The following TNFSF14 variants were observed in gnomAD, a reference collection of about 807,000 sequenced individuals.
TNFSF14 encodes the protein TNF superfamily member 14, also known as tumor necrosis factor ligand superfamily member 14.
In TNFSF14, 15 loss-of-function variants were observed where a neutral mutation model predicts 22.7. The observed-to-expected ratio is 0.66, with a 90% CI of 0.44 to 1.02. The LOEUF is 1.02. Ranked by LOEUF, TNFSF14 falls within the 50% of genes least tolerant of loss-of-function variation. TNFSF14 has a pLI of 0.00. For missense variants in TNFSF14, 287 were observed against 326.2 expected (o/e 0.88, Z 0.93); for synonymous variants, 133 against 139.6 (o/e 0.95, Z 0.33).
chr19:6,666,866 C>G (rs1248655336), intron 3 of TNFSF14, among the ~76,000 whole-genome samples: 7 of 151,818 alleles, frequency 4.6e-5, no homozygotes, highest in South Asian at 2.1e-4. Flanking sequence ...CCACTGCACC[C>G]CAGCCTGGGC....
rs746091221 is a variant in TNFSF14 at position 6,665,144 on chromosome 19, G to C, written c.505C>G (p.Arg169Gly). The C allele has an allele frequency of 4.3e-6, 7 of 1,614,050 alleles. No homozygotes were observed. Among genetic ancestry groups the C allele is most frequent in the Non-Finnish European group, 5.9e-6 (7 of 1,179,976 alleles). Residue 169 changes from arginine to glycine, a missense_variant, in exon 4 of 4, where the codon CGC (arginine) becomes GGC (glycine). Arg to Gly is a moderately radical substitution (Grantham distance 125). Transcript: ENST00000675206. ...ASTITHGLYK[R>G]TPRYPEELEL... ...AGCTCCTCGGGGTAGCGGGGTGTGC[G>C]CTTGTAGAGGCCGTGGGTGATGGTG...
intron 3 of TNFSF14, 109 bp downstream of exon 3, chr19:6,667,004 G>A: frequency 8.3e-7 from 1 of 1,209,846 alleles, no homozygotes; most frequent in Non-Finnish European, 1.2e-6. Flanking sequence ...GCAACTCTGT[G>A]AGTAAATAAG....
At chr19:6,666,878 A>G (rs986568577) in intron 3 of TNFSF14, among the ~76,000 whole-genome samples, 9 of 151,806 alleles carry the variant, frequency 5.9e-5, no homozygotes, top group Non-Finnish European at 1.3e-4. Flanking sequence ...AGCCTGGGCA[A>G]CAGAGTGAGA....
rs376281109 is a variant in TNFSF14 at position 6,670,152 on chromosome 19, G to T, written c.-83C>A. 14 of 1,551,732 alleles carry T rather than the reference G, an allele frequency of 9.0e-6. No individual in the cohort carries two copies. Among genetic ancestry groups the T allele is most frequent in the African/African-American group, 5.4e-5 (4 of 73,838 alleles). On this transcript the variant is annotated 5_prime_UTR_variant, in exon 1 of 4. Coordinates refer to ENST00000675206, the MANE Select transcript of TNFSF14 (RefSeq NM_001376887.1). ...CGAAATTGCTCAACACTCCTGGGCT[G>T]TGCACGCTGCGGACAGGCACCCGTG...
chr19:6,668,145 T>C (rs1917483157), intron 1 of TNFSF14, among the ~76,000 whole-genome samples: 1 of 151,844 alleles, frequency 6.6e-6, no homozygotes, highest in Non-Finnish European at 1.5e-5. Context: ...GAGGACAGCT[T>C]GAGGCCAGGA....
In TNFSF14 at chr19:6,664,616, GCAAC is replaced by G; in HGVS notation, c.*306_*309del. 2.7e-5 allele frequency: 6 copies of G among 225,982 alleles called. No individual in the cohort carries two copies. Among genetic ancestry groups the G allele is most frequent in the Admixed American group, 5.2e-5 (1 of 19,408 alleles). 14.0% of individuals were successfully genotyped at this position (225,982 alleles called of 1,614,324 possible). A position where few individuals can be genotyped will look rare whatever the true frequency, so the allele number is the denominator to read the frequency against. On this transcript the variant is annotated 3_prime_UTR_variant, in exon 4 of 4. Transcript: ENST00000675206. The surrounding 1 kb of genome is among the most constrained non-coding windows in gnomAD (Gnocchi z 4.7). ...TGCAGTGGTGTGATCTCGGCTCACT[GCAAC>G]CTCCGCCTCCCGGGTTTAAGCAAAA... is the stretch of plus-strand genomic sequence containing the variant.
chr19:6,669,965 C>A lies in TNFSF14; in HGVS notation c.105G>T (p.Val35=), dbSNP rs779814436. Residue 35 remains valine (V), a synonymous_variant, in exon 1 of 4, where the codon GTG becomes GTT. Coordinates refer to ENST00000675206, the MANE Select transcript of TNFSF14 (RefSeq NM_001376887.1). ...GCAAGAGACCCAGACCCACCCGGGC[C>A]ACACTGCACGACTGTCTCCGGTGGC... The part of the protein sequence containing the change: ...GRSHRRQSCS[V]ARVGLGLLLL... 2.5e-6 allele frequency: 4 copies of A among 1,614,016 alleles called. No homozygotes were observed. Among genetic ancestry groups the A allele is most frequent in the Non-Finnish European group, 3.4e-6 (4 of 1,180,040 alleles).
At chr19:6,667,553 C>A in intron 1 of TNFSF14, 104 bp from the exon 2 acceptor site, 1 of 1,262,688 alleles carries the variant, frequency 7.9e-7, no homozygotes, top group South Asian at 1.5e-5. Context: ...CCACCGACAC[C>A]ACCCTCAGAC....
At chr19:6,670,381 C>A, upstream of TNFSF14, 1 of 794,222 alleles carries the variant, frequency 1.3e-6, no homozygotes, top group Non-Finnish European at 1.7e-6. Flanking sequence ...GCTTCATTCG[C>A]TTGGGGCCAC....
At chr19:6,665,815 G>GTGTA (rs1047340156) in intron 3 of TNFSF14, among the ~76,000 whole-genome samples, 1 of 151,112 alleles carries the variant, frequency 6.6e-6, no homozygotes, top group Non-Finnish European at 1.5e-5. Context: ...GTGTGTGTGT[G>GTGTA]TGTGTTTGTA....
intron 1 of TNFSF14, among the ~76,000 whole-genome samples, chr19:6,668,823 T>C (rs1278588265): frequency 6.6e-6 from 1 of 152,118 alleles, no homozygotes; most frequent in Non-Finnish European, 1.5e-5. Flanking sequence ...AGAAGACACA[T>C]GTGGGCTCAG....
chr19:6,667,122 G>T lies in TNFSF14; in HGVS notation c.289C>A (p.His97Asn). ...RRSHEVNPAAHLTGANSSLTG... is the reference protein window; with the variant it reads ...RRSHEVNPAANLTGANSSLTG... ...CCAGGGTCCCTCTCACCTGTGAGATGCGCTGCTGGGTTGACCTCGTGAGAC... is the reference window on the plus strand; with the variant it reads ...CCAGGGTCCCTCTCACCTGTGAGATTCGCTGCTGGGTTGACCTCGTGAGAC... The change falls in exon 3 of 4, where the codon CAT (histidine) becomes AAT (asparagine). Residue 97 changes from histidine (H) to asparagine (N), a missense_variant. Transcript: ENST00000675206. The T allele has an allele frequency of 6.2e-7, 1 of 1,605,912 alleles. No individual in the cohort carries two copies. Among genetic ancestry groups the T allele is most frequent in the Non-Finnish European group, 8.5e-7 (1 of 1,177,194 alleles).
rs1464473769 is a variant in TNFSF14, at chr19:6,663,666, ACTGT to A, written c.*1256_*1259del. ...GTTATAACATACACACAGTGCTGTGACTGTCTGTGATGCCGTCTGTGACTTCCAT... is the reference window on the plus strand; with the variant it reads ...GTTATAACATACACACAGTGCTGTGACTGTGATGCCGTCTGTGACTTCCAT... On this transcript the variant is annotated 3_prime_UTR_variant, in exon 4 of 4. Coordinates refer to ENST00000675206, the MANE Select transcript of TNFSF14 (RefSeq NM_001376887.1). 1 of 152,520 alleles carries A rather than the reference ACTGT, an allele frequency of 6.6e-6. No homozygotes were observed. Among genetic ancestry groups the A allele is most frequent in the African/African-American group, 2.4e-5 (1 of 41,400 alleles). 9.4% of individuals were successfully genotyped at this position (152,520 alleles called of 1,614,324 possible).
At chr19:6,667,583 C>T in intron 1 of TNFSF14, 134 bp from the exon 2 acceptor site, 3 of 948,574 alleles carry the variant, frequency 3.2e-6, no homozygotes, top group Non-Finnish European at 4.6e-6. Flanking sequence ...GGGCCACATA[C>T]TCTCACTTGC....
At chr19:6,670,189 G>C, upstream of TNFSF14, 1 of 1,482,874 alleles carries the variant, frequency 6.7e-7, no homozygotes, top group Non-Finnish European at 9.0e-7. Flanking sequence ...GCCGCCTTTA[G>C]AGCTGGGGTT....
In TNFSF14 at chr19:6,667,946, C is replaced by A. The variant is rs144958885; in HGVS notation, c.220-497G>T. Among the ~76,000 whole-genome samples the A allele has an allele frequency of 1.0e-3, 152 of 152,188 alleles. 1 individual carries two copies. The highest frequency in any genetic ancestry group is 6.8e-3 in the Middle Eastern group (2 of 294). ...ATCCCAGCTGCTCTGGAGGCTGAGG[C>A]AGGAGGATCGCTTGAACCTGGGAGG... On this transcript the variant is annotated intron_variant, in intron 1 of 3. Transcript: ENST00000675206.
intron 3 of TNFSF14, 30 bp downstream of exon 3, chr19:6,667,083 C>G (rs1289537997): frequency 1.2e-6 from 2 of 1,609,068 alleles, no homozygotes; most frequent in African/African-American, 1.3e-5. Flanking sequence ...CTGACCCCTG[C>G]CCCTTGCCAG....
Position 6,664,850 on chromosome 19 carries a change from G to A in TNFSF14, c.*76C>T. The A allele has an allele frequency of 6.7e-7, 1 of 1,501,948 alleles. No homozygotes were observed. The highest frequency in any genetic ancestry group is 8.9e-7 in the Non-Finnish European group (1 of 1,122,526). 93.0% of individuals were successfully genotyped at this position (1,501,948 alleles called of 1,614,324 possible). A position where few individuals can be genotyped will look rare whatever the true frequency, so the allele number is the denominator to read the frequency against. ...CCACCACGCCCAGCCTCTGCTTCGT[G>A]AGTTTTCTTTCCCCTGAGGCACCCT... is the stretch of plus-strand genomic sequence containing the variant. On this transcript the variant is annotated 3_prime_UTR_variant, in exon 4 of 4. Coordinates refer to ENST00000675206, the MANE Select transcript of TNFSF14 (RefSeq NM_001376887.1). This position sits in a 1 kb window ranked among gnomAD's most constrained non-coding sequence, Gnocchi z 4.7.
chr19:6,662,551 C>G lies in TNFSF14; in HGVS notation c.*2375G>C, dbSNP rs558178600. 3 of 152,320 alleles carry G rather than the reference C, an allele frequency of 2.0e-5. No homozygotes were observed. In the South Asian group the frequency reaches 6.2e-4, roughly 32 times the overall value. 9.4% of individuals were successfully genotyped at this position (152,320 alleles called of 1,614,324 possible). A position where few individuals can be genotyped will look rare whatever the true frequency, so the allele number is the denominator to read the frequency against. On this transcript the variant is annotated 3_prime_UTR_variant, in exon 4 of 4. Transcript: ENST00000675206. The stretch of plus-strand genomic sequence containing the variant: ...GTACTGTGCAACAATGACAAGAATA[C>G]TATTGGCGATAACAACAATAACCCA...
Sources: allele counts gnomAD v4.1 joint callset (sites outside exome capture counted in the v4.1 genomes callset), GRCh38; gene constraint gnomAD v4.1.1; non-coding constraint Gnocchi (gnomAD v3.1); transcripts MANE v1.5; gene names NCBI Gene and HGNC (gene_info 2026-07-23, HGNC 2026-07-21).